Variants in SLC2A9 observed in about 807,000 individuals in gnomAD.
SLC2A9 encodes the protein solute carrier family 2 member 9, also known as solute carrier family 2, facilitated glucose transporter member 9.
Under a neutral mutation model 50.6 loss-of-function variants are expected in SLC2A9, and 39 were observed. The ratio of observed to expected loss-of-function variants is 0.77; its 90% CI spans 0.60 to 1.01. The LOEUF (loss-of-function observed/expected upper bound fraction) is 1.01. Among genes scored for constraint, SLC2A9 ranks in the 50% least tolerant of loss-of-function variants. SLC2A9 has a pLI of 0.00. For missense variants in SLC2A9, 686 were observed against 677.6 expected (o/e 1.01, Z -0.14); for synonymous variants, 324 against 276.9 (o/e 1.17, Z -1.69).
intron 3 of SLC2A9, among the ~76,000 whole-genome samples, chr4:9,807,963 T>C (rs187135408): frequency 2.6e-5 from 4 of 152,352 alleles, no homozygotes; most frequent in East Asian, 3.9e-4. Context: ...TTATTTGCTC[T>C]TTCCTGAAAT....
At chr4:10,011,128 G>A (rs1454464118) in intron 2 of SLC2A9, among the ~76,000 whole-genome samples, 4 of 152,212 alleles carry the variant, frequency 2.6e-5, no homozygotes, top group African/African-American at 9.6e-5. Context: ...CTGAAGTCTG[G>A]GCTCCATACT....
chr4:9,815,055 G>A (rs1450532108), intron 3 of SLC2A9, among the ~76,000 whole-genome samples: 1 of 152,060 alleles, frequency 6.6e-6, no homozygotes, highest in Non-Finnish European at 1.5e-5. Flanking sequence ...GGAAGAAGAG[G>A]GTTTGAATCA....
At chr4:10,030,355 A>G (rs1373188318) in intron 1 of SLC2A9, among the ~76,000 whole-genome samples, 1 of 152,230 alleles carries the variant, frequency 6.6e-6, no homozygotes, top group Non-Finnish European at 1.5e-5. Context: ...AAAATAAATA[A>G]ATAAATAAAA....
chr4:9,812,762 C>A (rs1723056004), intron 3 of SLC2A9, among the ~76,000 whole-genome samples: 1 of 152,216 alleles, frequency 6.6e-6, no homozygotes, highest in Non-Finnish European at 1.5e-5. Flanking sequence ...TCACCACCCA[C>A]ACTTCCTGCT....
At chr4:9,861,055 T>C (rs993642855) in intron 10 of SLC2A9, among the ~76,000 whole-genome samples, 4 of 152,188 alleles carry the variant, frequency 2.6e-5, no homozygotes, top group East Asian at 1.9e-4. Context: ...TGAGCACTTA[T>C]TGCTACACGT....
intron 5 of SLC2A9, among the ~76,000 whole-genome samples, chr4:9,950,841 C>G (rs1167015533): frequency 3.3e-5 from 1 of 30,116 alleles, no homozygotes; most frequent in African/African-American, 3.9e-4. Context: ...TGCAGTGAGC[C>G]GAGATCGCGC....
chr4:9,797,831 C>T (rs946547153), downstream of SLC2A9, among the ~76,000 whole-genome samples: 32 of 152,198 alleles, frequency 2.1e-4, no homozygotes, highest in Admixed American at 7.9e-4. Context: ...TCACTCTGCG[C>T]CCAGGCTAGA....
chr4:9,890,173 G>A lies in SLC2A9; in HGVS notation c.1215+437C>T, dbSNP rs115462081. On this transcript the variant is annotated intron_variant, in intron 9 of 11. Coordinates refer to ENST00000264784, the MANE Select transcript of SLC2A9 (RefSeq NM_020041.3). ...TAAGGAAAAGCCAGGGTCCACACAG[G>A]CTGTCTGGCTCCAGAGCCACTGTTC... 7.9e-3 allele frequency among the ~76,000 whole-genome samples: 1,210 copies of A among 152,312 alleles called. 15 individuals carry two copies. The highest frequency in any genetic ancestry group is 0.028 in the African/African-American group (1,148 of 41,576).
chr4:9,819,318 C>T (rs924523395), intron 3 of SLC2A9, among the ~76,000 whole-genome samples: 3 of 152,164 alleles, frequency 2.0e-5, no homozygotes, highest in South Asian at 2.1e-4. Flanking sequence ...GGAGTTCCCA[C>T]TGCTCCAAAT....
At chr4:9,863,636 G>C (rs538274893) in intron 10 of SLC2A9, among the ~76,000 whole-genome samples, 1 of 152,116 alleles carries the variant, frequency 6.6e-6, no homozygotes, top group South Asian at 2.1e-4. Context: ...TCTATATTTT[G>C]TTTCAATAAA....
rs756458372 is a variant in SLC2A9, at chr4:9,942,064, C to T, written c.682-19G>A. The T allele has an allele frequency of 3.1e-5, 50 of 1,613,652 alleles. No individual in the cohort carries two copies. In the Admixed American group the frequency reaches 8.0e-4, roughly 26 times the overall value. On this transcript the variant is annotated intron_variant, in intron 5 of 11. Coordinates refer to ENST00000264784, the MANE Select transcript of SLC2A9 (RefSeq NM_020041.3). The stretch of plus-strand genomic sequence containing the variant: ...TACTCTCCTGTGGGAGAAGGAGATG[C>T]TGCTGAGTGCAGTGGCCTTTGGTCA...
chr4:10,027,051 C>CA (rs111732147), intron 1 of SLC2A9, among the ~76,000 whole-genome samples: 3,104 of 145,474 alleles, frequency 0.021, 39 homozygotes, highest in Non-Finnish European at 0.033. Flanking sequence ...CTCAAAAAAA[C>CA]AAAAAAAAAA....
At chr4:9,824,532 C>T (rs1724853978), downstream of SLC2A9, among the ~76,000 whole-genome samples, 1 of 152,122 alleles carries the variant, frequency 6.6e-6, no homozygotes, top group Non-Finnish European at 1.5e-5. Context: ...CCCAGTCATC[C>T]CTGTGGCATG....
At chr4:9,784,097 G>A (rs1182566513) in intron 3 of SLC2A9, 1 of 161,286 alleles carries the variant, frequency 6.2e-6, no homozygotes, top group African/African-American at 2.4e-5. Context: ...ATGCAAAGAA[G>A]ATATTTGCTG....
intron 1 of SLC2A9, chr4:10,034,185 CAAGAA>C (rs1018190524): frequency 2.0e-5 from 3 of 152,240 alleles, no homozygotes; most frequent in Non-Finnish European, 2.9e-5. Flanking sequence ...TCAAAAGAAA[CAAGAA>C]AAGTATGGAG....
intron 10 of SLC2A9, among the ~76,000 whole-genome samples, chr4:9,881,663 G>C (rs1014305944): frequency 4.6e-5 from 7 of 152,166 alleles, no homozygotes; most frequent in African/African-American, 1.7e-4. Flanking sequence ...ACTAGGCCAG[G>C]GACCAAATCT....
intron 2 of SLC2A9, among the ~76,000 whole-genome samples, chr4:10,014,484 T>C (rs1476877622): frequency 6.6e-6 from 1 of 152,180 alleles, no homozygotes. Context: ...TGGATCATGC[T>C]CCTGTTCTGG....
At chr4:9,870,297 C>A (rs933981784) in intron 10 of SLC2A9, among the ~76,000 whole-genome samples, 11 of 152,244 alleles carry the variant, frequency 7.2e-5, no homozygotes, top group Non-Finnish European at 1.5e-4. Flanking sequence ...TCAGCAGCTG[C>A]AAGGAATAAT....
At chr4:9,838,368 C>A (rs1238850625) in intron 10 of SLC2A9, among the ~76,000 whole-genome samples, 1 of 152,066 alleles carries the variant, frequency 6.6e-6, no homozygotes, top group Non-Finnish European at 1.5e-5. Context: ...ATAGATGGCA[C>A]AAACAAATGG....
Sources: gnomAD v4.1 joint callset for allele counts (sites outside exome capture counted in the v4.1 genomes callset) on GRCh38, gnomAD v4.1.1 for gene constraint, MANE v1.5 for transcripts, NCBI Gene and HGNC (gene_info 2026-07-23, HGNC 2026-07-21) for gene names.